Variants in ABTB2 observed in about 807,000 individuals in gnomAD.
ABTB2 encodes ankyrin repeat and BTB/POZ domain-containing protein 2.
ABTB2 carries 56 observed loss-of-function variants against 104.1 expected under a neutral mutation model. That is an observed-to-expected ratio of 0.54 (90% CI 0.43 to 0.67). The LOEUF (loss-of-function observed/expected upper bound fraction) is 0.67, where lower values mean the gene tolerates loss of function less well. ABTB2 is among the 30% of genes least tolerant of loss of function. The pLI is 0.00. For synonymous variants in ABTB2, 606 were observed against 608.2 expected, an observed-to-expected ratio of 1.00 and a Z score of 0.05; for missense variants, 1,279 against 1,407.7, an observed-to-expected ratio of 0.91 and a Z score of 1.46.
At chr11:34,293,875 C>T (rs1281675765) in intron 1 of ABTB2, among the ~76,000 whole-genome samples, 1 of 152,128 alleles carries the variant, frequency 6.6e-6, no homozygotes, top group Non-Finnish European at 1.5e-5. Context: ...CAGGTGCATG[C>T]CACCATGCCT....
intron 4 of ABTB2, 72 bp from the exon 5 acceptor site, chr11:34,171,143 T>C: frequency 3.3e-6 from 5 of 1,532,038 alleles, no homozygotes. Context: ...GACACACATG[T>C]GTGAGCTTTA....
intron 1 of ABTB2, among the ~76,000 whole-genome samples, chr11:34,316,959 A>G (rs752009832): frequency 6.6e-6 from 1 of 152,154 alleles, no homozygotes; most frequent in Non-Finnish European, 1.5e-5. Flanking sequence ...TCTGGACGAA[A>G]CACTCCAGCC....
chr11:34,210,093 A>G (rs1279422836), intron 1 of ABTB2, among the ~76,000 whole-genome samples: 3 of 152,150 alleles, frequency 2.0e-5, no homozygotes, highest in Admixed American at 1.3e-4. Context: ...GTCTCTTCCA[A>G]GCTGACGGAA....
chr11:34,180,901 C>A (rs1038483883), intron 3 of ABTB2, among the ~76,000 whole-genome samples: 1 of 152,022 alleles, frequency 6.6e-6, no homozygotes, highest in Non-Finnish European at 1.5e-5. Context: ...CTTCTTAAGG[C>A]CTTGGTTTGT....
chr11:34,193,826 AAGG>A (rs897327004), intron 3 of ABTB2, among the ~76,000 whole-genome samples: 3 of 152,172 alleles, frequency 2.0e-5, no homozygotes, highest in African/African-American at 7.2e-5. Flanking sequence ...GAGTAGATGA[AAGG>A]AGGTTAGAGG....
At chr11:34,335,362 G>A in intron 1 of ABTB2, 1 of 892,958 alleles carries the variant, frequency 1.1e-6, no homozygotes, top group Admixed American at 1.7e-5. Context: ...TCAGCACAAA[G>A]AGTACAGCAA....
chr11:34,230,236 G>A (rs1853751661), intron 1 of ABTB2, among the ~76,000 whole-genome samples: 1 of 152,194 alleles, frequency 6.6e-6, no homozygotes, highest in African/African-American at 2.4e-5. Context: ...CATAGTCCTT[G>A]CCTGCACTAA....
chr11:34,304,637 T>C (rs570459254), intron 1 of ABTB2, among the ~76,000 whole-genome samples: 1 of 150,402 alleles, frequency 6.6e-6, no homozygotes, highest in African/African-American at 2.5e-5. Flanking sequence ...CTGGGCAATA[T>C]GGGGAGACAA....
intron 1 of ABTB2, among the ~76,000 whole-genome samples, chr11:34,340,043 C>CCAAACAAACAAACAAA (rs60959261): frequency 8.3e-4 from 124 of 149,556 alleles, no homozygotes; most frequent in African/African-American, 2.9e-3. Context: ...CCACCATCCT[C>CCAAACAAACAAACAAA]CAAACAAACA....
rs759655917 is a variant in ABTB2, at chr11:34,152,377, GC to G, written c.*9del. ...ACAGGCCCTGGCCTCGGCAGCCTCC[GC>G]CCCCTGCCTCACACCCGGGAGGTGA... is the stretch of plus-strand genomic sequence containing the variant. On this transcript the variant is annotated 3_prime_UTR_variant, in exon 17 of 17. Transcript: ENST00000435224. The G allele has an allele frequency of 1.3e-6, 2 of 1,553,014 alleles. No individual in the cohort carries two copies. The highest frequency in any genetic ancestry group is 1.4e-5 in the African/African-American group (1 of 73,462).
intron 1 of ABTB2, among the ~76,000 whole-genome samples, chr11:34,342,920 CATTTATTTATTTATTT>C (rs3035434): frequency 4.6e-4 from 69 of 148,810 alleles, no homozygotes; most frequent in East Asian, 3.0e-3. Flanking sequence ...ACTCCCATTT[CATTTATTTATTTATTT>C]ATTTATTTAT....
chr11:34,237,646 G>C (rs758865583), intron 1 of ABTB2, among the ~76,000 whole-genome samples: 13 of 152,156 alleles, frequency 8.5e-5, no homozygotes, highest in Non-Finnish European at 1.5e-4. Context: ...TGTAATCCCA[G>C]CACTTTGGGA....
intron 3 of ABTB2, among the ~76,000 whole-genome samples, chr11:34,185,821 T>C (rs1181003036): frequency 6.6e-6 from 1 of 152,142 alleles, no homozygotes; most frequent in Non-Finnish European, 1.5e-5. Flanking sequence ...GAAAAGAGGA[T>C]CTTGAAAGTT....
intron 1 of ABTB2, among the ~76,000 whole-genome samples, chr11:34,231,286 C>A (rs1242014486): frequency 6.6e-6 from 1 of 152,158 alleles, no homozygotes; most frequent in East Asian, 1.9e-4. Context: ...TATATGCATG[C>A]TTACTGATTG....
At chr11:34,158,895 G>A (rs984551786) in intron 14 of ABTB2, among the ~76,000 whole-genome samples, 3 of 152,210 alleles carry the variant, frequency 2.0e-5, no homozygotes, top group African/African-American at 7.2e-5. Flanking sequence ...GCCACCTGGG[G>A]AGCTTGTGAA....
intron 1 of ABTB2, among the ~76,000 whole-genome samples, chr11:34,218,416 G>C (rs1853573008): frequency 6.6e-6 from 1 of 152,064 alleles, no homozygotes; most frequent in Admixed American, 6.5e-5. Flanking sequence ...TTATCTTCTA[G>C]GAGTTTTATA....
intron 3 of ABTB2, among the ~76,000 whole-genome samples, chr11:34,196,044 G>A (rs933615801): frequency 4.6e-5 from 7 of 152,138 alleles, no homozygotes; most frequent in Non-Finnish European, 8.8e-5. Flanking sequence ...TGTGGATGGG[G>A]CTTCCTAAAC....
intron 1 of ABTB2, among the ~76,000 whole-genome samples, chr11:34,243,703 G>T (rs1191229963): frequency 6.6e-6 from 1 of 152,230 alleles, no homozygotes; most frequent in Non-Finnish European, 1.5e-5. Flanking sequence ...TACGGAATGT[G>T]CTTGGCACAG....
chr11:34,336,332 A>G (rs996102308), intron 1 of ABTB2, among the ~76,000 whole-genome samples: 1 of 152,164 alleles, frequency 6.6e-6, no homozygotes, highest in Admixed American at 6.5e-5. Flanking sequence ...TAGATTAAAA[A>G]ACAAATAGGT....
Sources: allele counts gnomAD v4.1 joint callset (sites outside exome capture counted in the v4.1 genomes callset), GRCh38; gene constraint gnomAD v4.1.1; transcripts MANE v1.5; gene names NCBI Gene and HGNC (gene_info 2026-07-23, HGNC 2026-07-21).